Variants in GOSR1 observed in about 807,000 individuals in gnomAD.
GOSR1 encodes 28 kDa Golgi SNARE protein.
A neutral mutation model predicts 35.5 loss-of-function variants in GOSR1; 21 were observed. The observed-to-expected ratio is 0.59, with a 90% CI of 0.42 to 0.85. GOSR1 has a LOEUF of 0.85. Ranked by LOEUF, GOSR1 falls within the 40% of genes least tolerant of loss-of-function variation. The pLI is 0.00. For missense variants in GOSR1, 285 were observed against 309.6 expected (o/e 0.92, Z 0.60); for synonymous variants, 94 against 106.6 (o/e 0.88, Z 0.73).
At chr17:30,494,817 A>C (rs868660116) in intron 6 of GOSR1, among the ~76,000 whole-genome samples, 1 of 151,580 alleles carries the variant, frequency 6.6e-6, no homozygotes, top group African/African-American at 2.4e-5. Flanking sequence ...TCTGTTGGCC[A>C]GGCTGGTCTT....
intron 6 of GOSR1, chr17:30,495,321 T>A (rs184295634): frequency 2.4e-6 from 1 of 414,086 alleles, no homozygotes; most frequent in Admixed American, 2.8e-5. Flanking sequence ...GAATCATACA[T>A]TCATTACTTG....
At chr17:30,516,469 C>CAAAAAAAAA (rs370736848) in intron 7 of GOSR1, among the ~76,000 whole-genome samples, 5 of 111,208 alleles carry the variant, frequency 4.5e-5, no homozygotes, top group Admixed American at 8.7e-5. Context: ...GACTCCGTCT[C>CAAAAAAAAA]AAACAAAAAA....
At chr17:30,507,369 G>T (rs778255115) in intron 6 of GOSR1, among the ~76,000 whole-genome samples, 5 of 152,182 alleles carry the variant, frequency 3.3e-5, no homozygotes, top group Non-Finnish European at 7.3e-5. Context: ...CAAGCCTTCA[G>T]TGGAGAAAAT....
chr17:30,522,446 G>A lies in GOSR1; in HGVS notation c.*68G>A. On this transcript the variant is annotated 3_prime_UTR_variant, in exon 9 of 9. Transcript: ENST00000451249. ...CCTGGTCTGGAATAAGGAAACATCG[G>A]AGGGAGAAGTTGACTGTCTTGATAA... The A allele has an allele frequency of 7.5e-7, 1 of 1,331,182 alleles. No homozygotes were observed. The highest frequency in any genetic ancestry group is 1.0e-6 in the Non-Finnish European group (1 of 982,878). 82.5% of individuals were successfully genotyped at this position (1,331,182 alleles called of 1,614,324 possible).
chr17:30,495,280 C>A (rs1157422544), intron 6 of GOSR1: 7 of 356,630 alleles, frequency 2.0e-5, no homozygotes, highest in Non-Finnish European at 3.9e-5. Flanking sequence ...GACTATATTA[C>A]CTCAAACATT....
intron 1 of GOSR1, chr17:30,477,718 G>A (rs898735836): frequency 9.1e-6 from 9 of 985,218 alleles, no homozygotes; most frequent in African/African-American, 3.5e-5. Flanking sequence ...GGGATGTAGA[G>A]GAAGAGGGCT....
chr17:30,494,449 A>G (rs1003085517), intron 6 of GOSR1, among the ~76,000 whole-genome samples: 14 of 152,182 alleles, frequency 9.2e-5, no homozygotes, highest in African/African-American at 3.1e-4. Context: ...GACTGTTGAT[A>G]CATTCTCATA....
rs1224269782 is a variant in GOSR1 at position 30,525,827 on chromosome 17, A to G, written c.*3449A>G. 1.3e-5 allele frequency: 2 copies of G among 152,176 alleles called. No individual in the cohort carries two copies. The highest frequency in any genetic ancestry group is 1.5e-5 in the Non-Finnish European group (1 of 68,028). 9.4% of individuals were successfully genotyped at this position (152,176 alleles called of 1,614,324 possible). On this transcript the variant is annotated 3_prime_UTR_variant, in exon 9 of 9. Transcript: ENST00000451249. ...TTGGTTATTTTCTTTATGAAAATAA[A>G]CCAGTTCTTCCAAGGAAGTTAAAAG...
intron 2 of GOSR1, among the ~76,000 whole-genome samples, chr17:30,483,642 C>G (rs1464411299): frequency 4.6e-5 from 7 of 152,184 alleles, no homozygotes; most frequent in Non-Finnish European, 5.9e-5. Flanking sequence ...CAGTATAACT[C>G]TGATCTGTAT....
intron 2 of GOSR1, among the ~76,000 whole-genome samples, chr17:30,482,534 A>G (rs116256438): frequency 3.0e-3 from 452 of 152,294 alleles, no homozygotes; most frequent in African/African-American, 9.9e-3. Context: ...TTTTTCAAAG[A>G]TTAGAAGTGA....
At chr17:30,511,976 C>T (rs1387165580) in intron 7 of GOSR1, among the ~76,000 whole-genome samples, 1 of 152,150 alleles carries the variant, frequency 6.6e-6, no homozygotes, top group Non-Finnish European at 1.5e-5. Flanking sequence ...AGTAATTTGC[C>T]TGTGGTCACA....
Position 30,484,244 on chromosome 17 carries a change from A to G in GOSR1, c.177A>G (p.Ser59=). Residue 59 remains serine, a synonymous_variant, in exon 3 of 9, where the codon TCA becomes TCG. Coordinates refer to ENST00000451249, the MANE Select transcript of GOSR1 (RefSeq NM_001007025.2). ...SSDTTPLLNG[S]SQDRMFETMA... ...ATACAACACCCCTTTTAAATGGATC[A>G]AGCCAAGACAGAATGTTTGAGACAA... 6.2e-7 allele frequency: 1 copy of G among 1,611,326 alleles called. No homozygotes were observed.
chr17:30,480,948 G>C, intron 1 of GOSR1, 195 bp from the exon 2 acceptor site: 1 of 435,448 alleles, frequency 2.3e-6, no homozygotes, highest in Non-Finnish European at 4.3e-6. Context: ...CCGACCTCAG[G>C]TGATCCGCCC....
intron 4 of GOSR1, among the ~76,000 whole-genome samples, chr17:30,488,064 G>A (rs554581017): frequency 5.4e-5 from 8 of 147,858 alleles, no homozygotes; most frequent in East Asian, 2.0e-4. Flanking sequence ...ATGAGCCACC[G>A]TACCCAGCCC....
intron 4 of GOSR1, among the ~76,000 whole-genome samples, chr17:30,487,634 A>G (rs967569357): frequency 2.0e-5 from 3 of 152,258 alleles, no homozygotes; most frequent in Non-Finnish European, 2.9e-5. Context: ...TTTATAACCC[A>G]TTATTGGCAA....
At chr17:30,477,726 G>C in intron 1 of GOSR1, 1 of 985,216 alleles carries the variant, frequency 1.0e-6, no homozygotes, top group South Asian at 4.7e-5. Context: ...GAGGAAGAGG[G>C]CTCTCAATCG....
At chr17:30,496,821 T>C (rs1252552455) in intron 6 of GOSR1, among the ~76,000 whole-genome samples, 9 of 152,166 alleles carry the variant, frequency 5.9e-5, no homozygotes, top group Non-Finnish European at 1.2e-4. Context: ...ATTCTGAAAT[T>C]GTATAGAACC....
chr17:30,485,895 G>A (rs944304503), intron 4 of GOSR1, among the ~76,000 whole-genome samples: 4 of 151,776 alleles, frequency 2.6e-5, no homozygotes, highest in Admixed American at 6.6e-5. Flanking sequence ...AGTGGTGGGC[G>A]CCTGTAATCC....
intron 2 of GOSR1, among the ~76,000 whole-genome samples, chr17:30,483,595 G>A (rs1914489171): frequency 6.6e-6 from 1 of 152,158 alleles, no homozygotes; most frequent in South Asian, 2.1e-4. Flanking sequence ...CAGTAAGATT[G>A]GAGACTATAG....
Sources: gnomAD v4.1 joint callset for allele counts (sites outside exome capture counted in the v4.1 genomes callset) on GRCh38, gnomAD v4.1.1 for gene constraint, MANE v1.5 for transcripts, NCBI Gene and HGNC (gene_info 2026-07-23, HGNC 2026-07-21) for gene names.